DAB1: variants seen among roughly 807,000 people sequenced by gnomAD.
DAB1 encodes disabled homolog 1.
DAB1 carries 15 observed loss-of-function variants against 64.6 expected under a neutral mutation model. The observed-to-expected ratio is 0.23, with a 90% CI of 0.16 to 0.36. DAB1 has a LOEUF of 0.36. DAB1 is among the 10% of genes least tolerant of loss of function. The pLI, the probability that DAB1 is intolerant of heterozygous loss-of-function variation, is 1.00. For missense variants in DAB1, 596 were observed against 706.7 expected (o/e 0.84, Z 1.78); for synonymous variants, 235 against 251.9 (o/e 0.93, Z 0.64).
intron 2 of DAB1, among the ~76,000 whole-genome samples, chr1:57,216,736 A>T (rs1242412403): frequency 3.3e-5 from 5 of 152,168 alleles, no homozygotes; most frequent in Non-Finnish European, 7.4e-5. Flanking sequence ...AGGTACATTT[A>T]AATAAATTTC....
intron 2 of DAB1, among the ~76,000 whole-genome samples, chr1:57,172,004 G>A (rs533642369): frequency 1.1e-4 from 17 of 152,032 alleles, no homozygotes; most frequent in Non-Finnish European, 1.8e-4. Context: ...GACTGGGAGC[G>A]ACACTGTTTC....
intron 3 of DAB1, among the ~76,000 whole-genome samples, chr1:58,404,426 T>C (rs537559136): frequency 6.6e-6 from 1 of 152,336 alleles, no homozygotes; most frequent in East Asian, 1.9e-4. Context: ...CTGGATTCTA[T>C]AGGTCTCATC....
At chr1:58,141,634 C>T (rs1316732438) in intron 5 of DAB1, among the ~76,000 whole-genome samples, 1 of 152,176 alleles carries the variant, frequency 6.6e-6, no homozygotes. Context: ...CCAATCACCT[C>T]CAACCAGGCC....
chr1:58,180,276 CTTTTCTTTTTTTTTT>C (rs1656709419), intron 4 of DAB1, among the ~76,000 whole-genome samples: 5 of 53,144 alleles, frequency 9.4e-5, no homozygotes, highest in Non-Finnish European at 1.4e-4. Context: ...TCTTTTTTTT[CTTTTCTTTTTTTTTT>C]TTTTTTTTTT....
At chr1:58,171,931 G>A (rs559966225) in intron 4 of DAB1, among the ~76,000 whole-genome samples, 26 of 152,334 alleles carry the variant, frequency 1.7e-4, no homozygotes, top group Non-Finnish European at 3.4e-4. Flanking sequence ...TAGCCAAAGG[G>A]ACCAGGGCCC....
chr1:58,422,543 C>T (rs1644781925), intron 3 of DAB1, among the ~76,000 whole-genome samples: 1 of 151,934 alleles, frequency 6.6e-6, no homozygotes. Flanking sequence ...CTGTAATCCA[C>T]CTTCATGGTC....
At chr1:57,114,861 G>A (rs754426813) in intron 4 of DAB1, among the ~76,000 whole-genome samples, 1 of 152,132 alleles carries the variant, frequency 6.6e-6, no homozygotes, top group Non-Finnish European at 1.5e-5. Context: ...GACCATCTGG[G>A]TTCCATTTCA....
chr1:57,014,023 T>G (rs899171984), intron 12 of DAB1, among the ~76,000 whole-genome samples: 4 of 152,184 alleles, frequency 2.6e-5, no homozygotes, highest in African/African-American at 9.7e-5. Flanking sequence ...ACACCAGAAC[T>G]CTGGTCCAGG....
At chr1:58,252,927 C>A (rs543022035) in intron 4 of DAB1, among the ~76,000 whole-genome samples, 7 of 152,316 alleles carry the variant, frequency 4.6e-5, no homozygotes, top group African/African-American at 1.7e-4. Flanking sequence ...GCACTTCTCT[C>A]CATCTTTTCC....
intron 5 of DAB1, among the ~76,000 whole-genome samples, chr1:57,983,437 C>T (rs1038604281): frequency 2.0e-5 from 3 of 152,090 alleles, no homozygotes; most frequent in South Asian, 2.1e-4. Flanking sequence ...GAATCCCAGG[C>T]GGCCAATGAG....
At chr1:58,500,753 ACCCAACAAAGAGGG>A (rs975187437) in intron 3 of DAB1, among the ~76,000 whole-genome samples, 8 of 152,144 alleles carry the variant, frequency 5.3e-5, no homozygotes, top group African/African-American at 1.9e-4. Context: ...CATACCCTTC[ACCCAACAAAGAGGG>A]GATGGTGGAG....
At chr1:57,617,972 G>A (rs1428120282) in intron 7 of DAB1, among the ~76,000 whole-genome samples, 3 of 152,110 alleles carry the variant, frequency 2.0e-5, no homozygotes, top group Non-Finnish European at 4.4e-5. Context: ...ACAAATAAGG[G>A]ACTATGAGTG....
chr1:58,014,264 T>A (rs912089243), intron 5 of DAB1, among the ~76,000 whole-genome samples: 1 of 152,210 alleles, frequency 6.6e-6, no homozygotes, highest in Non-Finnish European at 1.5e-5. Context: ...AGTTTCAAAA[T>A]TGGATTCTTG....
chr1:58,381,470 T>C (rs529235198), intron 3 of DAB1, among the ~76,000 whole-genome samples: 5 of 152,190 alleles, frequency 3.3e-5, no homozygotes, highest in African/African-American at 4.8e-5. Flanking sequence ...GTTTGGCTGC[T>C]ATACAGAGAA....
At chr1:58,516,061 C>G (rs1373877802) in intron 2 of DAB1, among the ~76,000 whole-genome samples, 3 of 152,180 alleles carry the variant, frequency 2.0e-5, no homozygotes, top group African/African-American at 7.2e-5. Context: ...CCCAAAAGGG[C>G]CACTTAACAG....
At chr1:57,300,419 C>G (rs539444199) in intron 1 of DAB1, among the ~76,000 whole-genome samples, 1 of 152,264 alleles carries the variant, frequency 6.6e-6, no homozygotes, top group South Asian at 2.1e-4. Flanking sequence ...GCAGAGTTAA[C>G]AGGGGGGATG....
chr1:57,685,251 C>T (rs1200823674), intron 6 of DAB1, among the ~76,000 whole-genome samples: 1 of 151,350 alleles, frequency 6.6e-6, no homozygotes, highest in Non-Finnish European at 1.5e-5. Flanking sequence ...CACTCGTGGC[C>T]GGGAGTTGCT....
chr1:57,791,248 C>T (rs1429827132), intron 6 of DAB1, among the ~76,000 whole-genome samples: 8 of 152,156 alleles, frequency 5.3e-5, no homozygotes, highest in Admixed American at 3.3e-4. Context: ...GCCCTAGGCC[C>T]CCCTGTGTTG....
chr1:57,947,754 T>C lies in DAB1; in HGVS notation n.388-63592A>G, dbSNP rs150803467. 6.6e-4 allele frequency among the ~76,000 whole-genome samples: 100 copies of C among 152,254 alleles called. 2 individuals carry two copies. Among genetic ancestry groups the C allele is most frequent in the Middle Eastern group, 3.4e-3 (1 of 294 alleles). ...AGAATGGTGGAAGGAATTTGCAAAG[T>C]GGAATTTCTGGAGTGGGCAGCTTAT... is the stretch of plus-strand genomic sequence containing the variant. On this transcript the variant is annotated intron_variant and non_coding_transcript_variant, in intron 5 of 20. Coordinates refer to the DAB1 transcript ENST00000485760.
Sources: gnomAD v4.1 joint callset for allele counts (sites outside exome capture counted in the v4.1 genomes callset) on GRCh38, gnomAD v4.1.1 for gene constraint, MANE v1.5 for transcripts, NCBI Gene and HGNC (gene_info 2026-07-23, HGNC 2026-07-21) for gene names.